Variants in LPP observed in about 807,000 individuals in gnomAD.
LPP encodes LIM domain containing preferred translocation partner in lipoma.
LPP carries 38 observed loss-of-function variants against 60.4 expected under a neutral mutation model. That is an observed-to-expected ratio of 0.63 (90% CI 0.49 to 0.83). LPP has a LOEUF of 0.83. Ranked by LOEUF, LPP falls within the 40% of genes least tolerant of loss-of-function variation. LPP has a pLI of 0.00. For synonymous variants in LPP, 328 were observed against 290.8 expected (o/e 1.13, Z -1.30); for missense variants, 902 against 783.6 (o/e 1.15, Z -1.80).
At chr3:188,828,613 T>TAAAAAAAAA (rs1560263433) in intron 9 of LPP, among the ~76,000 whole-genome samples, 1 of 12,224 alleles carries the variant, frequency 8.2e-5, no homozygotes, top group East Asian at 0.014. Context: ...AAACTCTGTC[T>TAAAAAAAAA]CAAAAAAAAA....
intron 7 of LPP, among the ~76,000 whole-genome samples, chr3:188,698,922 A>G (rs1383739968): frequency 6.6e-6 from 1 of 152,222 alleles, no homozygotes; most frequent in East Asian, 1.9e-4. Context: ...CGGGTACACT[A>G]CACTGAAGTC....
intron 1 of LPP, among the ~76,000 whole-genome samples, chr3:188,191,905 T>C (rs1428843511): frequency 6.6e-6 from 1 of 152,174 alleles, no homozygotes; most frequent in East Asian, 1.9e-4. Context: ...TATAACACTG[T>C]ATTGAAATAA....
intron 5 of LPP, 40 bp from the exon 6 acceptor site, chr3:188,524,625 G>A: frequency 1.9e-6 from 3 of 1,577,928 alleles, no homozygotes; most frequent in Non-Finnish European, 2.6e-6. Flanking sequence ...GATATCAAGG[G>A]AAATTTCCTT....
chr3:188,757,883 T>G (rs1730793919), intron 8 of LPP, among the ~76,000 whole-genome samples: 1 of 99,774 alleles, frequency 1.0e-5, no homozygotes, highest in African/African-American at 5.3e-5. Context: ...TGGTTTTGTT[T>G]TTTTGGTTTT....
chr3:188,866,307 C>T lies in LPP; in HGVS notation c.1518C>T (p.His506=). ...ACTGTTTCACCTGCGTGATGTGCCA[C>T]CGCAGCCTGGATGGGATCCCATTCA... ...HPHCFTCVMC[H]RSLDGIPFTV... The change falls in exon 10 of 12, where the codon CAC becomes CAT. Residue 506 remains histidine, a synonymous_variant. Transcript: ENST00000617246. 1.3e-6 allele frequency: 2 copies of T among 1,590,018 alleles called. No homozygotes were observed. Among genetic ancestry groups the T allele is most frequent in the Non-Finnish European group, 1.7e-6 (2 of 1,167,256 alleles).
intron 2 of LPP, among the ~76,000 whole-genome samples, chr3:188,315,061 T>C (rs1754638865): frequency 6.8e-6 from 1 of 147,102 alleles, no homozygotes; most frequent in Admixed American, 6.9e-5. Context: ...ATGTGTTTGC[T>C]CTTTAAAATT....
At chr3:188,554,823 T>C (rs1362482582) in intron 6 of LPP, among the ~76,000 whole-genome samples, 3 of 152,208 alleles carry the variant, frequency 2.0e-5, no homozygotes, top group Non-Finnish European at 4.4e-5. Context: ...ACATATTTAT[T>C]GAAGACTTAT....
intron 3 of LPP, among the ~76,000 whole-genome samples, chr3:188,376,716 A>G (rs1299027290): frequency 6.6e-6 from 1 of 152,100 alleles, no homozygotes. Context: ...TTTAAGTTTA[A>G]TATTGTTATG....
intron 7 of LPP, among the ~76,000 whole-genome samples, chr3:188,644,193 G>T (rs1271525905): frequency 6.6e-6 from 1 of 152,162 alleles, no homozygotes; most frequent in Non-Finnish European, 1.5e-5. Flanking sequence ...TTGGATAGAA[G>T]AACAATTTAG....
intron 8 of LPP, 146 bp downstream of exon 8, chr3:188,708,539 AT>A: frequency 9.2e-7 from 1 of 1,091,212 alleles, no homozygotes; most frequent in Non-Finnish European, 1.4e-6. Flanking sequence ...CAACTAAGTA[AT>A]TGTAGGATTT....
intron 2 of LPP, among the ~76,000 whole-genome samples, chr3:188,311,571 GCTAT>G (rs1334219976): frequency 1.3e-5 from 2 of 151,974 alleles, no homozygotes; most frequent in Non-Finnish European, 2.9e-5. Flanking sequence ...AACATTGCAG[GCTAT>G]CTATCTGGCT....
intron 2 of LPP, among the ~76,000 whole-genome samples, chr3:188,311,997 A>G (rs1231762724): frequency 6.6e-6 from 1 of 152,238 alleles, no homozygotes; most frequent in Non-Finnish European, 1.5e-5. Context: ...ACAAAAATAT[A>G]GTTTAAACTA....
intron 4 of LPP, among the ~76,000 whole-genome samples, chr3:188,421,854 T>C (rs1445892284): frequency 6.6e-6 from 1 of 152,168 alleles, no homozygotes; most frequent in East Asian, 1.9e-4. Context: ...AACAAATAAA[T>C]TTATTTTTAA....
At chr3:188,828,640 A>AAAAAAAAAAAAAC (rs1756306374) in intron 9 of LPP, among the ~76,000 whole-genome samples, 2 of 146,976 alleles carry the variant, frequency 1.4e-5, no homozygotes, top group African/African-American at 5.0e-5. Context: ...AAAAAAAAAA[A>AAAAAAAAAAAAAC]CTCAGCTGCA....
intron 7 of LPP, among the ~76,000 whole-genome samples, chr3:188,700,018 CT>C (rs1292130943): frequency 2.0e-5 from 3 of 151,974 alleles, no homozygotes; most frequent in Admixed American, 1.3e-4. Flanking sequence ...CTAATTCTAC[CT>C]TTTGAAAAGA....
chr3:188,385,737 T>C (rs1208865903), intron 3 of LPP, among the ~76,000 whole-genome samples: 1 of 152,210 alleles, frequency 6.6e-6, no homozygotes, highest in Non-Finnish European at 1.5e-5. Context: ...AGGCATAGTT[T>C]CTGCCCTAAG....
At chr3:188,690,761 A>G (rs1017445109) in intron 7 of LPP, among the ~76,000 whole-genome samples, 1 of 152,200 alleles carries the variant, frequency 6.6e-6, no homozygotes, top group Non-Finnish European at 1.5e-5. Flanking sequence ...AGACCCAGAC[A>G]GACTCAGACT....
intron 7 of LPP, among the ~76,000 whole-genome samples, chr3:188,624,341 G>C (rs1189581373): frequency 6.6e-6 from 1 of 152,190 alleles, no homozygotes; most frequent in Non-Finnish European, 1.5e-5. Context: ...TATATCTGGA[G>C]TTTAGAGGCA....
intron 9 of LPP, among the ~76,000 whole-genome samples, chr3:188,846,691 A>G (rs1761506707): frequency 6.6e-6 from 1 of 151,512 alleles, no homozygotes; most frequent in Non-Finnish European, 1.5e-5. Flanking sequence ...CTCAAAAAAA[A>G]AAAAAAAAAA....
Sources: gnomAD v4.1 joint callset for allele counts (sites outside exome capture counted in the v4.1 genomes callset) on GRCh38, gnomAD v4.1.1 for gene constraint, MANE v1.5 for transcripts, NCBI Gene and HGNC (gene_info 2026-07-23, HGNC 2026-07-21) for gene names.